CEP128: variants seen among roughly 807,000 people sequenced by gnomAD.
CEP128 encodes centrosomal protein 128kDa.
Under a neutral mutation model 156.7 loss-of-function variants are expected in CEP128, and 132 were observed. The observed-to-expected ratio is 0.84, with a 90% CI of 0.73 to 0.97. CEP128 has a LOEUF of 0.97. Ranked by LOEUF, CEP128 falls within the 50% of genes least tolerant of loss-of-function variation. The pLI, the probability that CEP128 is intolerant of heterozygous loss-of-function variation, is 0.00. For synonymous variants in CEP128, 469 were observed against 448.9 expected (o/e 1.04, Z -0.57); for missense variants, 1,252 against 1,281.9 (o/e 0.98, Z 0.36).
At chr14:80,493,715 C>T (rs1190235571), downstream of CEP128, among the ~76,000 whole-genome samples, 1 of 152,174 alleles carries the variant, frequency 6.6e-6, no homozygotes, top group Non-Finnish European at 1.5e-5. Flanking sequence ...GTGGGTCGAA[C>T]ACTTACTAGA....
rs1235244901 is a variant in CEP128, at chr14:80,757,034, CAA to C, written c.2554-85_2554-84del. The C allele has an allele frequency of 1.1e-5, 10 of 915,870 alleles. No individual in the cohort carries two copies. The African/African-American group carries it at 1.4e-4, about 13-fold the overall frequency. 56.7% of individuals were successfully genotyped at this position (915,870 alleles called of 1,614,324 possible). On this transcript the variant is annotated intron_variant, in intron 17 of 24. Transcript: ENST00000555265. ...AAATGAAATTCTTCACCACAGTATC[CAA>C]AAGTTTAGTTCCCCAATTTAAGGAT...
intron 19 of CEP128, among the ~76,000 whole-genome samples, chr14:80,679,103 G>A (rs1239444867): frequency 6.6e-6 from 1 of 151,910 alleles, no homozygotes; most frequent in Non-Finnish European, 1.5e-5. Context: ...ATCTTCATAA[G>A]CTGAGGATAT....
downstream of CEP128, among the ~76,000 whole-genome samples, chr14:80,496,291 C>A (rs186024149): frequency 6.6e-6 from 1 of 152,064 alleles, no homozygotes; most frequent in Non-Finnish European, 1.5e-5. Context: ...GCTTGTGTTA[C>A]GCAATTTTTG....
In CEP128 at chr14:80,538,979, T is replaced by C. The variant is rs989159887; in HGVS notation, c.2881-8093A>G. Among the ~76,000 whole-genome samples, 8 of 152,218 alleles carry C rather than the reference T, an allele frequency of 5.3e-5. No homozygotes were observed. In the East Asian group the frequency reaches 7.7e-4, roughly 15 times the overall value. On this transcript the variant is annotated intron_variant, in intron 21 of 24. Coordinates refer to ENST00000555265, the MANE Select transcript of CEP128 (RefSeq NM_152446.5). ...AAGCATCATGAGAGTAGGGAATATA[T>C]GTCCCCAGCATTCCACCAAAGTGCC...
intron 19 of CEP128, among the ~76,000 whole-genome samples, chr14:80,710,834 C>T (rs1447022882): frequency 6.6e-6 from 1 of 152,040 alleles, no homozygotes; most frequent in African/African-American, 2.4e-5. Flanking sequence ...AAAACATTAA[C>T]CCAAAACAAT....
intron 19 of CEP128, among the ~76,000 whole-genome samples, chr14:80,626,151 A>T (rs1893708397): frequency 6.6e-6 from 1 of 152,184 alleles, no homozygotes; most frequent in African/African-American, 2.4e-5. Flanking sequence ...CCCTAAATGT[A>T]ATCACAATTG....
chr14:80,671,650 G>A (rs952651177), intron 19 of CEP128, among the ~76,000 whole-genome samples: 1 of 152,048 alleles, frequency 6.6e-6, no homozygotes, highest in Non-Finnish European at 1.5e-5. Flanking sequence ...ACTAATAACA[G>A]ACACAAAAAA....
intron 20 of CEP128, among the ~76,000 whole-genome samples, chr14:80,572,227 G>GA (rs960246216): frequency 6.6e-6 from 1 of 152,192 alleles, no homozygotes; most frequent in Admixed American, 6.5e-5. Context: ...GTATATTCTG[G>GA]AAAATCAGCT....
intron 19 of CEP128, among the ~76,000 whole-genome samples, chr14:80,670,399 TCTAC>T (rs1010877860): frequency 3.9e-4 from 60 of 152,298 alleles, no homozygotes; most frequent in African/African-American, 1.3e-3. Context: ...TACTTGCCTA[TCTAC>T]CTACCTACCT....
rs143050108 is a variant in CEP128 at position 80,606,084 on chromosome 14, G to A, written c.2807-25661C>T. 2.3e-3 allele frequency among the ~76,000 whole-genome samples: 353 copies of A among 151,702 alleles called. 1 individual carries two copies. The highest frequency in any genetic ancestry group is 8.1e-3 in the African/African-American group (337 of 41,406). ...AAATGGTTTTCATGGATAATCTCACGGGTCATTGCTTCTTTTAATTAGTAG... is the reference window on the plus strand; with the variant it reads ...AAATGGTTTTCATGGATAATCTCACAGGTCATTGCTTCTTTTAATTAGTAG... On this transcript the variant is annotated intron_variant, in intron 19 of 24. Transcript: ENST00000555265.
Position 80,743,232 on chromosome 14 carries a change from C to G in CEP128, c.2649G>C (p.Glu883Asp). Residue 883 changes from glutamate to aspartate, a missense_variant, in exon 19 of 25, where the codon GAG becomes GAC. By Grantham distance (45) the Glu-to-Asp change is conservative (BLOSUM62 2). Transcript: ENST00000555265. ...KLQWLCEELK[E>D]RENREKNLRH... ...GCAGATTTTTCTCTCTGTTTTCTCTCTCTTTCAGTTCCTCACAGAGCCACT... is the reference window on the plus strand; with the variant it reads ...GCAGATTTTTCTCTCTGTTTTCTCTGTCTTTCAGTTCCTCACAGAGCCACT... 1 of 1,613,356 alleles carries G rather than the reference C, an allele frequency of 6.2e-7. No individual in the cohort carries two copies. The highest frequency in any genetic ancestry group is 1.3e-5 in the African/African-American group (1 of 75,014).
intron 13 of CEP128, among the ~76,000 whole-genome samples, chr14:80,819,239 C>CTTTTTTT (rs1187431254): frequency 4.5e-4 from 37 of 82,752 alleles, no homozygotes; most frequent in African/African-American, 7.9e-4. Flanking sequence ...TGGCATCTTC[C>CTTTTTTT]TTTTTTTTTT....
Position 80,785,228 on chromosome 14 carries a change from G to A in CEP128, c.1878C>T (p.Asp626=). 2 of 1,614,126 alleles carry A rather than the reference G, an allele frequency of 1.2e-6. No homozygotes were observed. Among genetic ancestry groups the A allele is most frequent in the Non-Finnish European group, 1.7e-6 (2 of 1,180,002 alleles). Residue 626 remains aspartate (D), a synonymous_variant, in exon 15 of 25, where the codon GAC becomes GAT. Coordinates refer to ENST00000555265, the MANE Select transcript of CEP128 (RefSeq NM_152446.5). ...IAELKKSQAQ[D]KAKLLEMQES... is the part of the protein sequence containing the mutation. ...CTTGCATCTCAAGAAGTTTAGCTTT[G>A]TCCTGGGCCTGGCTCTTCTTGAGCT...
chr14:80,833,566 A>G (rs537932180), intron 12 of CEP128, among the ~76,000 whole-genome samples: 31 of 147,402 alleles, frequency 2.1e-4, no homozygotes, highest in African/African-American at 5.9e-4. Context: ...AAATTTGGGG[A>G]AAAAAAAAAA....
At chr14:80,610,703 C>A (rs1260918032) in intron 19 of CEP128, among the ~76,000 whole-genome samples, 1 of 152,114 alleles carries the variant, frequency 6.6e-6, no homozygotes, top group Non-Finnish European at 1.5e-5. Context: ...CATTCCACAG[C>A]CATACTTTCA....
chr14:80,675,299 A>G (rs963334150), intron 19 of CEP128, among the ~76,000 whole-genome samples: 1 of 152,044 alleles, frequency 6.6e-6, no homozygotes, highest in Non-Finnish European at 1.5e-5. Flanking sequence ...CATGCAACAG[A>G]TTTTCTTGGG....
intron 9 of CEP128, among the ~76,000 whole-genome samples, chr14:80,842,690 G>A (rs1052664922): frequency 6.6e-6 from 1 of 151,506 alleles, no homozygotes; most frequent in Admixed American, 6.6e-5. Flanking sequence ...CTTAAATCAA[G>A]CAACTTAGAC....
At chr14:80,514,820 T>C (rs1458374749) in intron 23 of CEP128, 1 of 192,428 alleles carries the variant, frequency 5.2e-6, no homozygotes, top group Non-Finnish European at 1.1e-5. Flanking sequence ...TGGGTATCTA[T>C]TGTAGTCTCG....
chr14:80,825,497 A>G (rs1208913361), intron 13 of CEP128, among the ~76,000 whole-genome samples: 1 of 152,220 alleles, frequency 6.6e-6, no homozygotes, highest in Non-Finnish European at 1.5e-5. Flanking sequence ...TTTATTTCTA[A>G]ACTGTTTTAC....
Sources: allele counts gnomAD v4.1 joint callset (sites outside exome capture counted in the v4.1 genomes callset), GRCh38; gene constraint gnomAD v4.1.1; transcripts MANE v1.5; gene names NCBI Gene and HGNC (gene_info 2026-07-23, HGNC 2026-07-21).